The following IHO1 variants were observed in gnomAD, a reference collection of about 807,000 sequenced individuals.
IHO1 encodes interactor of HORMAD1 1, also known as interactor of HORMAD1 protein 1.
Under a neutral mutation model 31.0 loss-of-function variants are expected in IHO1, and 13 were observed. The observed-to-expected ratio is 0.42, with a 90% CI of 0.27 to 0.67. The LOEUF is 0.67. Among genes scored for constraint, IHO1 ranks in the 30% least tolerant of loss-of-function variants. IHO1 has a pLI of 0.24. For synonymous variants in IHO1, 221 were observed against 248.4 expected (o/e 0.89, Z 1.04); for missense variants, 599 against 687.5 (o/e 0.87, Z 1.44).
chr3:49,257,241 TATGACCTGGGTTTTG>T lies in IHO1; in HGVS notation c.1747_1761del (p.Asp583_Asp587del). ...CAAGGAGGCAGGAAAGAATTTGCTC[TATGACCTGGGTTTTG>T]ATAGCAGTGATGATGATGGCTTCTG... On this transcript the variant is annotated inframe_deletion, in exon 8 of 8. Transcript: ENST00000452691. 4 of 1,614,174 alleles carry T rather than the reference TATGACCTGGGTTTTG, an allele frequency of 2.5e-6. No homozygotes were observed. Among genetic ancestry groups the T allele is most frequent in the Non-Finnish European group, 2.5e-6 (3 of 1,180,014 alleles).
intron 4 of IHO1, among the ~76,000 whole-genome samples, chr3:49,244,168 T>C (rs1219741986): frequency 6.6e-6 from 1 of 152,060 alleles, no homozygotes; most frequent in African/African-American, 2.4e-5. Context: ...TTGGCCAGGC[T>C]GGTCTTGAAC....
At chr3:49,236,803 C>T in intron 3 of IHO1, 81 bp downstream of exon 3, 1 of 1,354,244 alleles carries the variant, frequency 7.4e-7, no homozygotes. Flanking sequence ...TTATTCTGGC[C>T]AGGTGCAATG....
At chr3:49,196,318 T>C (rs1342884164), upstream of IHO1, among the ~76,000 whole-genome samples, 1 of 148,904 alleles carries the variant, frequency 6.7e-6, no homozygotes, top group Admixed American at 6.7e-5. Flanking sequence ...ATCTGTAACG[T>C]TTTTACTTTT....
In IHO1 at chr3:49,257,380, C is replaced by T; in HGVS notation, c.*98C>T. ...AAAGTCCCTGAAGCCTGCCAAGTAC[C>T]CAGGGTCAGAGGCCCTGCTGAGGTG... On this transcript the variant is annotated 3_prime_UTR_variant, in exon 8 of 8. Transcript: ENST00000452691. The T allele has an allele frequency of 2.4e-6, 3 of 1,261,724 alleles. No homozygotes were observed. Among genetic ancestry groups the T allele is most frequent in the South Asian group, 1.4e-5 (1 of 71,556 alleles). The allele number at this position is 1,261,724 out of a possible 1,614,324, so 78.2% of individuals were successfully genotyped here.
intron 1 of IHO1, among the ~76,000 whole-genome samples, chr3:49,205,066 G>A (rs918919294): frequency 6.6e-6 from 1 of 151,840 alleles, no homozygotes; most frequent in South Asian, 2.1e-4. Flanking sequence ...CTACTCCATA[G>A]AGCAGTCCCA....
chr3:49,236,599 C>G lies in IHO1; in HGVS notation c.108C>G (p.Leu36=). 2 of 1,613,240 alleles carry G rather than the reference C, an allele frequency of 1.2e-6. No individual in the cohort carries two copies. Among genetic ancestry groups the G allele is most frequent in the Non-Finnish European group, 1.7e-6 (2 of 1,179,340 alleles). The stretch of plus-strand genomic sequence containing the variant: ...ATAATCAAAATGATTATTCCAGTCT[C>G]AGTGATTCCCAGTTCCTCTTTGGAT... ...WNNNQNDYSS[L]SDSQFLFGSQ... The change falls in exon 3 of 8, where the codon CTC becomes CTG. Residue 36 remains leucine (L), a synonymous_variant. Coordinates refer to ENST00000452691, the MANE Select transcript of IHO1 (RefSeq NM_001135197.2).
At chr3:49,244,955 G>C in intron 6 of IHO1, 1 of 609,566 alleles carries the variant, frequency 1.6e-6, no homozygotes, top group East Asian at 2.7e-5. Context: ...CCTTTTGTGA[G>C]GCACTAATCC....
chr3:49,197,145 T>A (rs2046003560), upstream of IHO1, among the ~76,000 whole-genome samples: 1 of 76,056 alleles, frequency 1.3e-5, no homozygotes, highest in South Asian at 9.4e-4. Context: ...CACAGCCGGC[T>A]AATTTTTTTT....
intron 4 of IHO1, among the ~76,000 whole-genome samples, chr3:49,243,245 C>T (rs115399443): frequency 0.011 from 1,744 of 152,100 alleles, 27 homozygotes; most frequent in African/African-American, 0.039. Flanking sequence ...TGGGTTCAAG[C>T]GATTCAAGTG....
chr3:49,220,023 G>A (rs1046771591), intron 2 of IHO1, among the ~76,000 whole-genome samples: 10 of 152,114 alleles, frequency 6.6e-5, no homozygotes, highest in African/African-American at 1.2e-4. Context: ...TTTCTTTTCC[G>A]GAGGACACTG....
At chr3:49,200,522 A>AAGAAAAG in intron 1 of IHO1, 1 of 963,012 alleles carries the variant, frequency 1.0e-6, no homozygotes, top group African/African-American at 1.9e-5. Context: ...AAAGAAAAGA[A>AAGAAAAG]AAAAGATTGT....
intron 2 of IHO1, among the ~76,000 whole-genome samples, chr3:49,233,770 A>C (rs541804813): frequency 6.6e-6 from 1 of 152,254 alleles, no homozygotes; most frequent in Non-Finnish European, 1.5e-5. Context: ...GCACTGTGAC[A>C]TGTTCATTAT....
At chr3:49,240,608 C>T (rs755799281) in intron 3 of IHO1, among the ~76,000 whole-genome samples, 8 of 152,176 alleles carry the variant, frequency 5.3e-5, no homozygotes, top group Non-Finnish European at 8.8e-5. Context: ...CCACCCACCT[C>T]GGCCTCCCAA....
chr3:49,242,298 A>AT (rs35683717), intron 4 of IHO1, among the ~76,000 whole-genome samples: 16,613 of 147,030 alleles, frequency 0.11, 1,005 homozygotes, highest in African/African-American at 0.14. Context: ...TGGCCACCTA[A>AT]TTTTTTTTTT....
rs542475569 is a variant in IHO1, at chr3:49,223,463, G to C, written c.56+11627G>C. On this transcript the variant is annotated intron_variant, in intron 2 of 7. Coordinates refer to ENST00000452691, the MANE Select transcript of IHO1 (RefSeq NM_001135197.2). ...TCCCAGCACTTTGGGAGACCGAGGCGGGCGGATCACGAGGTCAGGAGATTG... is the reference window on the plus strand; with the variant it reads ...TCCCAGCACTTTGGGAGACCGAGGCCGGCGGATCACGAGGTCAGGAGATTG... Among the ~76,000 whole-genome samples the C allele has an allele frequency of 2.6e-5, 4 of 152,184 alleles. No homozygotes were observed. In the East Asian group the frequency reaches 7.7e-4, roughly 29 times the overall value.
chr3:49,256,996 T>G lies in IHO1; in HGVS notation c.1499T>G (p.Leu500Arg). 1 of 1,614,200 alleles carries G rather than the reference T, an allele frequency of 6.2e-7. No individual in the cohort carries two copies. Among genetic ancestry groups the G allele is most frequent in the Non-Finnish European group, 8.5e-7 (1 of 1,180,032 alleles). The change falls in exon 8 of 8, where the codon CTG becomes CGG. Residue 500 changes from leucine to arginine, a missense_variant. Leu to Arg is a moderately radical substitution (Grantham distance 102). Transcript: ENST00000452691. This position sits in a 1 kb window ranked among gnomAD's most constrained non-coding sequence, Gnocchi z 4.6. ...CAGCAGGAACCCCGTGCTCAGCCTC[T>G]GCATCTGCAGTGTCCCAGGAGCCCC... Reference protein sequence around the residue: ...LGQQEPRAQPLHLQCPRSPRK... With the variant: ...LGQQEPRAQPRHLQCPRSPRK...
chr3:49,241,747 A>C (rs934692477), intron 4 of IHO1, among the ~76,000 whole-genome samples: 2 of 151,874 alleles, frequency 1.3e-5, no homozygotes, highest in Non-Finnish European at 2.9e-5. Flanking sequence ...CAGCCTCCTG[A>C]GTAGCTGGGA....
intron 2 of IHO1, among the ~76,000 whole-genome samples, chr3:49,215,874 A>C (rs1015090017): frequency 6.6e-6 from 1 of 152,206 alleles, no homozygotes; most frequent in African/African-American, 2.4e-5. Flanking sequence ...GCAAGTTTCA[A>C]GCTTTAACAG....
At position 49,244,653 on chromosome 3, in the gene IHO1, C is replaced by T. The variant is rs754736462; in HGVS notation, c.452C>T (p.Thr151Met). ...NVRESILRLQ[T>M]SVEKSEDHLS... ...TAATTTTGGGTTTCTTAGTTGCAGA[C>T]GTCTGTGGAAAAGTCTGAGGACCAT... Residue 151 changes from threonine to methionine, a missense_variant, in exon 6 of 8, where the codon ACG becomes ATG. Thr to Met is a moderately conservative substitution (Grantham distance 81). Transcript: ENST00000452691. 1.7e-5 allele frequency: 28 copies of T among 1,612,304 alleles called. No homozygotes were observed. Among genetic ancestry groups the T allele is most frequent in the African/African-American group, 1.1e-4 (8 of 75,006 alleles).
Sources: gnomAD v4.1 joint callset for allele counts (sites outside exome capture counted in the v4.1 genomes callset) on GRCh38, gnomAD v4.1.1 for gene constraint, Gnocchi (gnomAD v3.1) non-coding constraint, MANE v1.5 for transcripts, NCBI Gene and HGNC (gene_info 2026-07-23, HGNC 2026-07-21) for gene names.